Variants in ADAP1 observed in about 807,000 individuals in gnomAD.
ADAP1 encodes arf-GAP with dual PH domain-containing protein 1.
A neutral mutation model predicts 54.9 loss-of-function variants in ADAP1; 31 were observed. The ratio of observed to expected loss-of-function variants is 0.56; its 90% confidence interval spans 0.42 to 0.76. The LOEUF (loss-of-function observed/expected upper bound fraction) is 0.76, where lower values mean the gene tolerates loss of function less well. Among genes scored for constraint, ADAP1 ranks in the 30% least tolerant of loss-of-function variants. The pLI, the probability that ADAP1 is intolerant of heterozygous loss-of-function variation, is 0.00. For missense variants in ADAP1, 535 were observed against 512.4 expected (o/e 1.04, Z -0.42); for synonymous variants, 313 against 202.6 (o/e 1.55, Z -4.63).
At chr7:932,798 C>T (rs1197081831) in intron 2 of ADAP1, among the ~76,000 whole-genome samples, 1 of 152,160 alleles carries the variant, frequency 6.6e-6, no homozygotes, top group Non-Finnish European at 1.5e-5. Flanking sequence ...CAAGGTGGGC[C>T]GGGGTCCTGA....
chr7:932,261 CCCAGCCTTCCTCT>C (rs970690421), intron 2 of ADAP1, among the ~76,000 whole-genome samples: 6 of 152,128 alleles, frequency 3.9e-5, no homozygotes, highest in African/African-American at 7.2e-5. Context: ...GTGGGCCCTC[CCCAGCCTTCCTCT>C]CCAGCCTTCC....
chr7:903,064 G>C (rs1044469562), intron 6 of ADAP1, among the ~76,000 whole-genome samples: 33 of 152,310 alleles, frequency 2.2e-4, no homozygotes, highest in African/African-American at 7.9e-4. Context: ...AGATGAGGCT[G>C]CAGGAGCGAG....
rs1199819633 is a variant in ADAP1, at chr7:899,200, T to G, written c.929A>C (p.His310Pro). ...GSKESGYTVL[H>P]GFPPSTQGHH... ...GCCCTGGGTGGACGGCGGGAACCCA[T>G]GCAGCACCGTGTAGCCACTCTCCTT... The change falls in exon 10 of 11, where the codon CAT becomes CCT. Residue 310 changes from histidine to proline, a missense_variant. By Grantham distance (77) the His-to-Pro change is moderately conservative. Transcript: ENST00000265846. 3 of 1,612,648 alleles carry G rather than the reference T, an allele frequency of 1.9e-6. No individual in the cohort carries two copies. In the South Asian group the frequency reaches 3.3e-5, roughly 18 times the overall value.
intron 8 of ADAP1, among the ~76,000 whole-genome samples, 188 bp downstream of exon 8, chr7:899,914 C>A (rs1844703339): frequency 6.6e-6 from 1 of 152,236 alleles, no homozygotes; most frequent in African/African-American, 2.4e-5. Context: ...CAGGGAGGGT[C>A]TAACCAAAGC....
intron 1 of ADAP1, among the ~76,000 whole-genome samples, chr7:937,862 C>T (rs992242380): frequency 2.6e-5 from 4 of 152,148 alleles, no homozygotes; most frequent in African/African-American, 9.7e-5. Flanking sequence ...AAGCCTGTCT[C>T]CCCATTAACG....
chr7:905,635 G>GGAAAGGA (rs1562912488), intron 4 of ADAP1: 3 of 29,342 alleles, frequency 1.0e-4, no homozygotes, highest in African/African-American at 3.0e-4. Context: ...AAGGAGAAAG[G>GGAAAGGA]GAAAGGAGAA....
In ADAP1 at chr7:926,505, G is replaced by A. The variant is rs1846394087; in HGVS notation, c.305+48C>T. 2.0e-6 allele frequency: 3 copies of A among 1,465,692 alleles called. No homozygotes were observed. Among genetic ancestry groups the A allele is most frequent in the African/African-American group, 1.5e-5 (1 of 67,276 alleles). 90.8% of individuals were successfully genotyped at this position (1,465,692 alleles called of 1,614,324 possible). A position where few individuals can be genotyped will look rare whatever the true frequency, so the allele number is the denominator to read the frequency against. Reference sequence around the variant, plus strand: ...CGGGTCCTCCCGGGGCCATCTCGGAGCCACCCAGCACTTGACCATGGCCCT... The same window carrying A: ...CGGGTCCTCCCGGGGCCATCTCGGAACCACCCAGCACTTGACCATGGCCCT... On this transcript the variant is annotated intron_variant, in intron 3 of 10. Transcript: ENST00000265846. The surrounding 1 kb of genome is among the most constrained non-coding windows in gnomAD (Gnocchi z 4.6).
At position 953,874 on chromosome 7, in the gene ADAP1, G is replaced by A. The variant is rs1179795733; in HGVS notation, c.82+522C>T. ...CCTCACCTGTCCTGGCGCCCGCCCC[G>A]GAGCAGCCAGGTGCAGGGAGCCGGG... On this transcript the variant is annotated intron_variant, in intron 1 of 10. Transcript: ENST00000265846. Among the ~76,000 whole-genome samples the A allele has an allele frequency of 3.9e-5, 6 of 152,308 alleles. 1 individual carries two copies. In the East Asian group the frequency reaches 1.2e-3, roughly 29 times the overall value.
At chr7:950,212 A>G (rs906822338) in intron 1 of ADAP1, among the ~76,000 whole-genome samples, 3 of 152,240 alleles carry the variant, frequency 2.0e-5, no homozygotes, top group African/African-American at 7.2e-5. Flanking sequence ...CCAGCCGGGC[A>G]TGGTGGCTCA....
In ADAP1 at chr7:924,590, C is replaced by T. The variant is rs1007344976; in HGVS notation, c.305+1963G>A. ...ACCCCCCGCCCTCCAAGTTATACTG[C>T]AGGTCCACACTGCACCCCTGCCATG... On this transcript the variant is annotated intron_variant, in intron 3 of 10. Transcript: ENST00000265846. Among the ~76,000 whole-genome samples the T allele has an allele frequency of 3.3e-5, 5 of 150,622 alleles. No individual in the cohort carries two copies. In the South Asian group the frequency reaches 1.1e-3, roughly 32 times the overall value.
chr7:944,255 C>CTTTT (rs373409871), intron 1 of ADAP1, among the ~76,000 whole-genome samples: 1 of 135,430 alleles, frequency 7.4e-6, no homozygotes, highest in African/African-American at 2.8e-5. Flanking sequence ...TATTTTTAAC[C>CTTTT]TTTTTTTTTT....
At chr7:935,530 C>G (rs1320657153) in intron 1 of ADAP1, 25 bp from the exon 2 acceptor site, 1 of 1,556,530 alleles carries the variant, frequency 6.4e-7, no homozygotes, top group Admixed American at 1.9e-5. Flanking sequence ...CGGACGTTCA[C>G]GGAGGCTCAG....
intron 6 of ADAP1, 128 bp downstream of exon 6, chr7:903,998 C>T: frequency 7.7e-7 from 1 of 1,291,538 alleles, no homozygotes; most frequent in Non-Finnish European, 1.0e-6. Flanking sequence ...CGACTTCCCG[C>T]CTTCTCATGC....
chr7:951,287 G>C (rs1847264089), intron 1 of ADAP1, among the ~76,000 whole-genome samples: 1 of 151,422 alleles, frequency 6.6e-6, no homozygotes, highest in Admixed American at 6.6e-5. Context: ...GCAGGAGAAT[G>C]GTGTGAACCT....
intron 4 of ADAP1, among the ~76,000 whole-genome samples, chr7:918,534 C>G (rs1488911371): frequency 1.3e-5 from 2 of 152,218 alleles, no homozygotes; most frequent in Non-Finnish European, 1.5e-5. Flanking sequence ...AGGGCAGCCT[C>G]TCTCTTACAC....
At chr7:905,816 AGGG>A (rs1845233082) in intron 4 of ADAP1, among the ~76,000 whole-genome samples, 5 of 31,972 alleles carry the variant, frequency 1.6e-4, no homozygotes, top group Non-Finnish European at 4.5e-4. Context: ...AGAAAGGAGA[AGGG>A]AGAAGGGAGA....
Position 912,472 on chromosome 7 carries a change from GC to G in ADAP1, c.389-7301del, listed in dbSNP as rs369973807. The stretch of plus-strand genomic sequence containing the variant: ...GGCGCGTCCCCACGCAGTGACCTTG[GC>G]CCAGGGAGGCGGCGCAGAGGGTGGG... On this transcript the variant is annotated intron_variant, in intron 4 of 10. Coordinates refer to ENST00000265846, the MANE Select transcript of ADAP1 (RefSeq NM_006869.4). 3.0e-4 allele frequency among the ~76,000 whole-genome samples: 45 copies of G among 152,292 alleles called. No homozygotes were observed. The East Asian group carries it at 7.3e-3, about 25-fold the overall frequency.
In ADAP1 at chr7:905,064, T is replaced by G. The variant is rs774675551; in HGVS notation, c.497A>C (p.Asn166Thr). 1.2e-6 allele frequency: 2 copies of G among 1,610,620 alleles called. No individual in the cohort carries two copies. Among genetic ancestry groups the G allele is most frequent in the African/African-American group, 1.3e-5 (1 of 75,058 alleles). The change falls in exon 5 of 11, where the codon AAT (asparagine) becomes ACT (threonine). Residue 166 changes from asparagine (N) to threonine (T), a missense_variant. Transcript: ENST00000265846. The part of the protein sequence containing the change: ...REGALKYFNR[N>T]DAKEPKAVMK... ...CCACCCCCGTCTGTGACTCACATCA[T>G]TTCTGTTGAAATACTTCAGAGCACC... is the stretch of plus-strand genomic sequence containing the variant.
At chr7:903,027 C>T (rs552734691) in intron 6 of ADAP1, among the ~76,000 whole-genome samples, 27 of 152,258 alleles carry the variant, frequency 1.8e-4, no homozygotes, top group East Asian at 1.4e-3. Context: ...ACGTAGGACC[C>T]GGGCAGCAGG....
Sources: gnomAD v4.1 joint callset for allele counts (sites outside exome capture counted in the v4.1 genomes callset) on GRCh38, gnomAD v4.1.1 for gene constraint, Gnocchi (gnomAD v3.1) non-coding constraint, MANE v1.5 for transcripts, NCBI Gene and HGNC (gene_info 2026-07-23, HGNC 2026-07-21) for gene names.